Variants in ZNF665 observed in about 807,000 individuals in gnomAD.
The protein encoded by ZNF665 is zinc finger protein 665.
A neutral mutation model predicts 7.9 loss-of-function variants in ZNF665; 6 were observed. That is an observed-to-expected ratio of 0.76 (90% CI 0.42 to 1.50). ZNF665 has a LOEUF of 1.50. ZNF665 is among the 40% of genes most tolerant of loss of function. The pLI, the probability that ZNF665 is intolerant of heterozygous loss-of-function variation, is 0.01. For missense variants in ZNF665, 819 were observed against 806.7 expected, an observed-to-expected ratio of 1.02 and a Z score of -0.18; for synonymous variants, 242 against 274.5, an observed-to-expected ratio of 0.88 and a Z score of 1.17.
intron 3 of ZNF665, among the ~76,000 whole-genome samples, chr19:53,167,293 G>A (rs980923130): frequency 3.3e-5 from 5 of 152,000 alleles, no homozygotes; most frequent in South Asian, 2.1e-4. Context: ...GAGCCACTGC[G>A]CCCAGCCCCA....
At chr19:53,185,325 C>T (rs4803057) in intron 1 of ZNF665, among the ~76,000 whole-genome samples, 42,213 of 150,678 alleles carry the variant, frequency 0.28, 6,299 homozygotes, top group African/African-American at 0.37. Flanking sequence ...AGGAGCCCTC[C>T]GGTGGCCCTG....
chr19:53,164,133 C>CTTTTTT lies in ZNF665; in HGVS notation c.*314_*319dup, dbSNP rs35735454. 2 of 104,636 alleles carry CTTTTTT rather than the reference C, an allele frequency of 1.9e-5. No homozygotes were observed. The highest frequency in any genetic ancestry group is 3.3e-5 in the African/African-American group (1 of 30,350). 6.5% of individuals were successfully genotyped at this position (104,636 alleles called of 1,614,324 possible). ...CTGGCCGCACTCCTTTGTAAGGTTA[C>CTTTTTT]TTTTTTTTTTTTTTTTTTTTTGGAG... On this transcript the variant is annotated 3_prime_UTR_variant, in exon 4 of 4. Coordinates refer to ENST00000396424, the MANE Select transcript of ZNF665 (RefSeq NM_024733.5).
intron 3 of ZNF665, among the ~76,000 whole-genome samples, chr19:53,175,083 A>G (rs1434669104): frequency 6.6e-6 from 1 of 152,206 alleles, no homozygotes; most frequent in Non-Finnish European, 1.5e-5. Context: ...AAACATTTCA[A>G]CAGTTGATCC....
At chr19:53,188,882 G>A (rs2090791412) in intron 1 of ZNF665, among the ~76,000 whole-genome samples, 1 of 151,898 alleles carries the variant, frequency 6.6e-6, no homozygotes. Context: ...ATTTTTAGTA[G>A]AGAAGACGTT....
intron 1 of ZNF665, chr19:53,191,757 TC>T (rs1198534163): frequency 6.6e-6 from 1 of 152,170 alleles, no homozygotes; most frequent in African/African-American, 2.4e-5. Flanking sequence ...GGCAAGAGAA[TC>T]GCTTGAACCC....
chr19:53,166,493 A>G (rs1366354503), intron 3 of ZNF665, 146 bp from the exon 4 acceptor site: 2 of 725,134 alleles, frequency 2.8e-6, no homozygotes, highest in Non-Finnish European at 4.2e-6. Flanking sequence ...TCCAGAACAC[A>G]AAAGGAACAG....
intron 3 of ZNF665, among the ~76,000 whole-genome samples, chr19:53,174,966 GA>G (rs2090685554): frequency 2.2e-5 from 3 of 137,402 alleles, no homozygotes; most frequent in Non-Finnish European, 4.7e-5. Context: ...AAAAAAGAAA[GA>G]AAAGAAAGAA....
intron 3 of ZNF665, among the ~76,000 whole-genome samples, chr19:53,168,073 A>G (rs1370146948): frequency 2.7e-5 from 4 of 149,430 alleles, no homozygotes; most frequent in East Asian, 2.0e-4. Flanking sequence ...AAAAAAAAAA[A>G]AAAAAAAAAG....
intron 1 of ZNF665, among the ~76,000 whole-genome samples, chr19:53,191,417 G>A (rs1327887701): frequency 2.6e-5 from 4 of 152,188 alleles, no homozygotes; most frequent in Non-Finnish European, 5.9e-5. Context: ...TGCTCTCTTA[G>A]AACAGAGATT....
chr19:53,164,952 G>T lies in ZNF665; in HGVS notation c.1538C>A (p.Pro513His), dbSNP rs748751322. Residue 513 changes from proline (P) to histidine (H), a missense_variant, in exon 4 of 4, where the codon CCT (proline) becomes CAT (histidine). Physicochemically the swap from Pro to His is moderately conservative, Grantham distance 77. Transcript: ENST00000396424. ...TTTGCCACACTCATTACACTTGTAA[G>T]GTTTTTCTCCAGTATGAACTCTCCA... ...RHWRVHTGEKPYKCNECGKAF... is the reference protein window; with the variant it reads ...RHWRVHTGEKHYKCNECGKAF... 6.2e-7 allele frequency: 1 copy of T among 1,614,128 alleles called. No homozygotes were observed. Among genetic ancestry groups the T allele is most frequent in the Non-Finnish European group, 8.5e-7 (1 of 1,180,026 alleles).
rs372855271 is a variant in ZNF665, at chr19:53,171,524, A to ATATATT, written c.142+3920_142+3921insAATATA. Reference sequence around the variant, plus strand: ...TGTGTGTATATATATATATATATATATTTTTTTTTTTTTTTTCTTTTTTTA... The same window carrying ATATATT: ...TGTGTGTATATATATATATATATATATATATTTTTTTTTTTTTTTTTTCTTTTTTTA... On this transcript the variant is annotated intron_variant, in intron 3 of 3. Coordinates refer to ENST00000396424, the MANE Select transcript of ZNF665 (RefSeq NM_024733.5). Among the ~76,000 whole-genome samples the ATATATT allele has an allele frequency of 2.9e-3, 203 of 69,326 alleles. 2 individuals carry two copies. The highest frequency in any genetic ancestry group is 7.0e-3 in the African/African-American group (136 of 19,318). The allele number at this position is 69,326 out of a possible 152,430, so 45.5% of individuals were successfully genotyped here. A position where few individuals can be genotyped will look rare whatever the true frequency, so the allele number is the denominator to read the frequency against.
chr19:53,165,135 T>A lies in ZNF665; in HGVS notation c.1355A>T (p.His452Leu), dbSNP rs752218952. ...ACATTTGTAAGGCTTTTCTCCAGTA[T>A]GAATTGCCTGATGGGTAGTTAGGCT... is the stretch of plus-strand genomic sequence containing the variant. ...RSSLTTHQAI[H>L]TGEKPYKCND... is the part of the protein sequence containing the mutation. The change falls in exon 4 of 4, where the codon CAT becomes CTT. Residue 452 changes from histidine (H) to leucine (L), a missense_variant. His to Leu is a moderately conservative substitution (Grantham distance 99). Transcript: ENST00000396424. The A allele has an allele frequency of 2.0e-5, 32 of 1,614,016 alleles. No homozygotes were observed. The highest frequency in any genetic ancestry group is 2.5e-5 in the Non-Finnish European group (30 of 1,180,018).
chr19:53,169,253 G>A (rs2090639691), intron 3 of ZNF665, among the ~76,000 whole-genome samples: 1 of 151,946 alleles, frequency 6.6e-6, no homozygotes, highest in East Asian at 1.9e-4. Context: ...ATTGGAAAAT[G>A]ATTTGAACAT....
Position 53,183,043 on chromosome 19 carries a change from T to A in ZNF665, c.-45-100A>T, listed in dbSNP as rs2090750281. On this transcript the variant is annotated intron_variant, in intron 1 of 3. Transcript: ENST00000396424. ...CACACCCCCTCCCTGGGCCATAACCTTATACACAGGGAAGACCTTATACAC... is the reference window on the plus strand; with the variant it reads ...CACACCCCCTCCCTGGGCCATAACCATATACACAGGGAAGACCTTATACAC... 3.9e-6 allele frequency: 5 copies of A among 1,281,756 alleles called. No individual in the cohort carries two copies. In the African/African-American group the frequency reaches 5.8e-5, roughly 15 times the overall value. 79.4% of individuals were successfully genotyped at this position (1,281,756 alleles called of 1,614,324 possible). A position where few individuals can be genotyped will look rare whatever the true frequency, so the allele number is the denominator to read the frequency against.
chr19:53,191,687 T>C (rs10412287), intron 1 of ZNF665: 29,502 of 152,018 alleles, frequency 0.19, 3,342 homozygotes, highest in South Asian at 0.35. Flanking sequence ...CTACTAAAAA[T>C]ACAAAAGTTA....
At chr19:53,189,828 A>G (rs1287964245) in intron 1 of ZNF665, among the ~76,000 whole-genome samples, 1 of 151,846 alleles carries the variant, frequency 6.6e-6, no homozygotes, top group Non-Finnish European at 1.5e-5. Context: ...TTCATTTGAC[A>G]CTTACGCTAC....
At position 53,184,736 on chromosome 19, in the gene ZNF665, G is replaced by C. The variant is rs12983302; in HGVS notation, c.-45-1793C>G. On this transcript the variant is annotated intron_variant, in intron 1 of 3. Coordinates refer to ENST00000396424, the MANE Select transcript of ZNF665 (RefSeq NM_024733.5). ...GATAAAAGAAAAGGCAGCTGGGCCC[G>C]GGGGACCACTACCACCAAGACGTGG... Among the ~76,000 whole-genome samples, 860 of 152,194 alleles carry C rather than the reference G, an allele frequency of 5.7e-3. 6 individuals are homozygous for C. The highest frequency in any genetic ancestry group is 0.02 in the African/African-American group (816 of 41,528).
In ZNF665 at chr19:53,184,839, G is replaced by A. The variant is rs568855152; in HGVS notation, c.-45-1896C>T. Among the ~76,000 whole-genome samples, 5 of 150,714 alleles carry A rather than the reference G, an allele frequency of 3.3e-5. No homozygotes were observed. The South Asian group carries it at 6.5e-4, about 19-fold the overall frequency. Reference sequence around the variant, plus strand: ...GACAAAGGGGCAGGATAAGGAGTGTGAGCCATCTCCAATGATAGGTAAGGT... The same window carrying A: ...GACAAAGGGGCAGGATAAGGAGTGTAAGCCATCTCCAATGATAGGTAAGGT... On this transcript the variant is annotated intron_variant, in intron 1 of 3. Coordinates refer to ENST00000396424, the MANE Select transcript of ZNF665 (RefSeq NM_024733.5).
At chr19:53,170,173 C>T (rs2090647027) in intron 3 of ZNF665, among the ~76,000 whole-genome samples, 2 of 151,438 alleles carry the variant, frequency 1.3e-5, no homozygotes, top group African/African-American at 2.4e-5. Context: ...GTTCCTATTT[C>T]TCCACATCCT....
Sources: gnomAD v4.1 joint callset for allele counts (sites outside exome capture counted in the v4.1 genomes callset) on GRCh38, gnomAD v4.1.1 for gene constraint, MANE v1.5 for transcripts, NCBI Gene and HGNC (gene_info 2026-07-23, HGNC 2026-07-21) for gene names.